SNX29: variants seen among roughly 807,000 people sequenced by gnomAD.
SNX29 encodes the protein sorting nexin 29.
Under a neutral mutation model 102.1 loss-of-function variants are expected in SNX29, and 78 were observed. The ratio of observed to expected loss-of-function variants is 0.76; its 90% CI spans 0.64 to 0.92. SNX29 has a LOEUF of 0.92. Among genes scored for constraint, SNX29 ranks in the 40% least tolerant of loss-of-function variants. The pLI is 0.00. For synonymous variants in SNX29, 580 were observed against 414.5 expected, an observed-to-expected ratio of 1.40 and a Z score of -4.85; for missense variants, 1,280 against 1,061.7, an observed-to-expected ratio of 1.21 and a Z score of -2.86.
chr16:12,430,901 G>A (rs2085285243), intron 18 of SNX29, among the ~76,000 whole-genome samples: 1 of 149,880 alleles, frequency 6.7e-6, no homozygotes. Context: ...TGCCCAGGCT[G>A]GAGTGCAGTG....
chr16:12,386,222 ACT>A (rs890658914), intron 16 of SNX29, among the ~76,000 whole-genome samples: 47 of 151,772 alleles, frequency 3.1e-4, no homozygotes, highest in Admixed American at 2.8e-3. Flanking sequence ...CCAGTGAAAG[ACT>A]CTTCCTGGGG....
chr16:12,558,559 AC>A (rs1271748256), intron 20 of SNX29, among the ~76,000 whole-genome samples: 2 of 152,072 alleles, frequency 1.3e-5, no homozygotes, highest in Non-Finnish European at 1.5e-5. Context: ...GCCTCTCAGT[AC>A]CCCGTCCATG....
intron 4 of SNX29, among the ~76,000 whole-genome samples, chr16:12,037,984 A>G (rs1022697229): frequency 6.6e-6 from 1 of 151,668 alleles, no homozygotes; most frequent in South Asian, 2.1e-4. Context: ...AAAACAAAAC[A>G]AAACAAAACA....
intron 15 of SNX29, among the ~76,000 whole-genome samples, chr16:12,326,541 C>T (rs756615714): frequency 9.2e-5 from 14 of 152,030 alleles, no homozygotes; most frequent in Non-Finnish European, 2.1e-4. Flanking sequence ...CACAGGCAGT[C>T]ATAGGTGATA....
intron 19 of SNX29, among the ~76,000 whole-genome samples, chr16:12,499,676 C>G (rs1405475871): frequency 1.3e-5 from 2 of 152,142 alleles, no homozygotes; most frequent in African/African-American, 4.8e-5. Flanking sequence ...CATTCATTTA[C>G]TTCTTTATTT....
chr16:12,284,163 T>G (rs567167940), intron 15 of SNX29, among the ~76,000 whole-genome samples: 1 of 152,390 alleles, frequency 6.6e-6, no homozygotes, highest in South Asian at 2.1e-4. Context: ...ATTCGGACTT[T>G]GGGCCTGCAT....
chr16:12,206,756 T>G (rs830725), intron 14 of SNX29, among the ~76,000 whole-genome samples: 87,966 of 150,510 alleles, frequency 0.58, 29,314 homozygotes, highest in Non-Finnish European at 0.73. Flanking sequence ...GGGAAATTTT[T>G]AAAAATCCCA....
chr16:12,331,511 G>A lies in SNX29; in HGVS notation c.1783-24652G>A, dbSNP rs575235802. ...TGTTCCTTAATGTCTCTGAGCCTCA[G>A]TTTCCCCACCTGTGAAATGAGAACA... On this transcript the variant is annotated intron_variant, in intron 15 of 20. Transcript: ENST00000566228. Among the ~76,000 whole-genome samples, 4 of 152,280 alleles carry A rather than the reference G, an allele frequency of 2.6e-5. No individual in the cohort carries two copies. In the East Asian group the frequency reaches 7.7e-4, roughly 29 times the overall value.
chr16:12,250,629 T>A (rs1243579251), intron 14 of SNX29, among the ~76,000 whole-genome samples: 1 of 152,172 alleles, frequency 6.6e-6, no homozygotes, highest in South Asian at 2.1e-4. Context: ...CTATTATTTG[T>A]TTCCATTCTT....
intron 14 of SNX29, among the ~76,000 whole-genome samples, chr16:12,260,395 T>C (rs887575017): frequency 6.6e-6 from 1 of 152,244 alleles, no homozygotes; most frequent in Admixed American, 6.5e-5. Context: ...TCATCTGTTG[T>C]GCGCCTGGTG....
chr16:12,090,974 C>A (rs7200307), intron 11 of SNX29, among the ~76,000 whole-genome samples: 3 of 135,108 alleles, frequency 2.2e-5, no homozygotes, highest in Non-Finnish European at 4.6e-5. Flanking sequence ...AAGATCACAC[C>A]ACTGCACTCC....
chr16:12,538,679 C>G (rs985090821), intron 20 of SNX29, among the ~76,000 whole-genome samples: 2 of 152,130 alleles, frequency 1.3e-5, no homozygotes, highest in Non-Finnish European at 1.5e-5. Context: ...CTTTCATCCT[C>G]CTCCCAGGAC....
rs930094598 is a variant in SNX29, at chr16:12,568,696, C to CTG, written c.*68_*69dup. ...GCTGCGTCCACCCCAGCCACTGCCG[C>CTG]TGGCCCCTCACCTCAGCGTGACAAC... On this transcript the variant is annotated 3_prime_UTR_variant, in exon 21 of 21. Coordinates refer to ENST00000566228, the MANE Select transcript of SNX29 (RefSeq NM_032167.5). The CTG allele has an allele frequency of 7.0e-6, 11 of 1,574,652 alleles. No homozygotes were observed. The African/African-American group carries it at 1.1e-4, about 15-fold the overall frequency.
At chr16:11,986,025 G>A (rs971648832) in intron 1 of SNX29, among the ~76,000 whole-genome samples, 4 of 151,798 alleles carry the variant, frequency 2.6e-5, no homozygotes, top group African/African-American at 7.3e-5. Flanking sequence ...GACTGGTCTC[G>A]AACTCCTGAC....
chr16:12,542,131 C>A (rs529650373), intron 20 of SNX29, among the ~76,000 whole-genome samples: 1 of 152,218 alleles, frequency 6.6e-6, no homozygotes, highest in South Asian at 2.1e-4. Context: ...CCAGCATTTC[C>A]AATTCAGCCC....
At chr16:12,075,256 G>C (rs1236650109) in intron 10 of SNX29, among the ~76,000 whole-genome samples, 1 of 152,172 alleles carries the variant, frequency 6.6e-6, no homozygotes, top group African/African-American at 2.4e-5. Context: ...TTTAGAGTTT[G>C]CAGTTTTTCT....
At chr16:12,439,558 T>G (rs2085703700) in intron 18 of SNX29, among the ~76,000 whole-genome samples, 2 of 152,044 alleles carry the variant, frequency 1.3e-5, no homozygotes, top group Non-Finnish European at 1.5e-5. Flanking sequence ...CGAAAGGGGT[T>G]TCCCCTCATA....
chr16:12,179,485 AAAAC>A (rs2076335162), intron 13 of SNX29, among the ~76,000 whole-genome samples: 1 of 152,258 alleles, frequency 6.6e-6, no homozygotes, highest in Non-Finnish European at 1.5e-5. Context: ...CCCTGTCTCA[AAAAC>A]AGACAAACTG....
chr16:12,503,881 TA>T (rs1190171078), intron 19 of SNX29, among the ~76,000 whole-genome samples: 1 of 152,166 alleles, frequency 6.6e-6, no homozygotes, highest in Non-Finnish European at 1.5e-5. Context: ...ATTCTTTTTT[TA>T]AAAAAAGTTT....
Sources: allele counts gnomAD v4.1 joint callset (sites outside exome capture counted in the v4.1 genomes callset), GRCh38; gene constraint gnomAD v4.1.1; transcripts MANE v1.5; gene names NCBI Gene and HGNC (gene_info 2026-07-23, HGNC 2026-07-21).